NEXN: variants seen among roughly 807,000 people sequenced by gnomAD.
NEXN encodes nexilin.
NEXN carries 65 observed loss-of-function variants against 92.6 expected under a neutral mutation model. That is an observed-to-expected ratio of 0.70 (90% CI 0.57 to 0.86). The LOEUF (loss-of-function observed/expected upper bound fraction) is 0.86. Ranked by LOEUF, NEXN falls within the 40% of genes least tolerant of loss-of-function variation. The probability of loss-of-function intolerance (pLI) is 0.00; values close to 1 mark genes in which losing one functional copy is unlikely to be tolerated. For missense variants in NEXN, 778 were observed against 771.1 expected (o/e 1.01, Z -0.11); for synonymous variants, 254 against 242.5 (o/e 1.05, Z -0.44).
intron 1 of NEXN, among the ~76,000 whole-genome samples, chr1:77,915,351 CGGGCATGGTGGCT>C (rs1381908211): frequency 1.3e-5 from 2 of 152,022 alleles, no homozygotes; most frequent in Non-Finnish European, 2.9e-5. Context: ...AGCTGGTGGC[CGGGCATGGTGGCT>C]CATGCCTGTA....
chr1:77,941,347 T>G (rs998121539), intron 11 of NEXN, among the ~76,000 whole-genome samples: 1 of 152,114 alleles, frequency 6.6e-6, no homozygotes, highest in Admixed American at 6.5e-5. Context: ...CATTACCAAA[T>G]TATTATTTTC....
chr1:77,917,141 G>T (rs1649041756), intron 2 of NEXN, among the ~76,000 whole-genome samples: 1 of 152,114 alleles, frequency 6.6e-6, no homozygotes, highest in African/African-American at 2.4e-5. Flanking sequence ...CTAAACTTTT[G>T]CTTTGTTTTC....
chr1:77,911,865 A>G (rs1351499947), intron 1 of NEXN, among the ~76,000 whole-genome samples: 6 of 151,524 alleles, frequency 4.0e-5, no homozygotes, highest in Admixed American at 1.3e-4. Flanking sequence ...GGCGGATCAC[A>G]AGGCAGGAGT....
At chr1:77,903,308 T>TA (rs1647863651) in intron 1 of NEXN, among the ~76,000 whole-genome samples, 2 of 152,194 alleles carry the variant, frequency 1.3e-5, no homozygotes, top group African/African-American at 4.8e-5. Flanking sequence ...TTACCAATAA[T>TA]GTATACTTAA....
At chr1:77,901,763 A>C (rs1263613398) in intron 1 of NEXN, among the ~76,000 whole-genome samples, 2 of 152,156 alleles carry the variant, frequency 1.3e-5, no homozygotes, top group Non-Finnish European at 2.9e-5. Context: ...TTTCTTTAAC[A>C]TCACAGATCT....
In NEXN at chr1:77,918,145, G is replaced by C; in HGVS notation, c.319G>C (p.Ala107Pro). 1.9e-6 allele frequency: 3 copies of C among 1,613,872 alleles called. No individual in the cohort carries two copies. The highest frequency in any genetic ancestry group is 2.5e-6 in the Non-Finnish European group (3 of 1,179,950). Residue 107 changes from alanine (A) to proline (P), a missense_variant, in exon 5 of 13, where the codon GCT becomes CCT. Ala to Pro is a conservative substitution (Grantham distance 27, BLOSUM62 -1). This residue lies in a region of NEXN where 236 missense variants were observed against 265.6 expected (regional missense o/e 0.89). Coordinates refer to ENST00000334785, the MANE Select transcript of NEXN (RefSeq NM_144573.4). ...TTTAGGAACTGTGAAGGGTAGATTT[G>C]CTGAAATGGAGAAACAAAGACAAGA... is the stretch of plus-strand genomic sequence containing the variant. ...KLTGTVKGRF[A>P]EMEKQRQEEQ...
intron 1 of NEXN, among the ~76,000 whole-genome samples, chr1:77,900,090 C>T (rs1647576970): frequency 6.6e-6 from 1 of 152,122 alleles, no homozygotes. Flanking sequence ...TAATATGGTG[C>T]ACAGTATTCA....
At position 77,926,708 on chromosome 1, in the gene NEXN, T is replaced by C. The variant is rs1557982062; in HGVS notation, c.688-8T>C. ...ACTAAAAGGTGGGTTTTCATAACGTTTTCTTAGGATGATGAAATAGAAAGT... is the reference window on the plus strand; with the variant it reads ...ACTAAAAGGTGGGTTTTCATAACGTCTTCTTAGGATGATGAAATAGAAAGT... On this transcript the variant is annotated splice_region_variant and splice_polypyrimidine_tract_variant and intron_variant, in intron 7 of 12. Coordinates refer to ENST00000334785, the MANE Select transcript of NEXN (RefSeq NM_144573.4). 1 of 1,613,864 alleles carries C rather than the reference T, an allele frequency of 6.2e-7. No homozygotes were observed. Among genetic ancestry groups the C allele is most frequent in the Non-Finnish European group, 8.5e-7 (1 of 1,179,934 alleles).
At chr1:77,895,863 T>G (rs1451660766) in intron 1 of NEXN, among the ~76,000 whole-genome samples, 1 of 151,324 alleles carries the variant, frequency 6.6e-6, no homozygotes, top group Non-Finnish European at 1.5e-5. Context: ...AGACTCCATC[T>G]CAAAAAAGAA....
intron 1 of NEXN, among the ~76,000 whole-genome samples, chr1:77,911,661 G>T (rs916082874): frequency 2.0e-5 from 3 of 151,776 alleles, no homozygotes; most frequent in Non-Finnish European, 4.4e-5. Context: ...CTACCTTCAG[G>T]CTATATGTAT....
chr1:77,933,585 G>C, intron 10 of NEXN, 106 bp downstream of exon 10: 1 of 909,168 alleles, frequency 1.1e-6, no homozygotes, highest in Non-Finnish European at 1.7e-6. Flanking sequence ...TAGGATAGTT[G>C]ACATAGTATT....
intron 1 of NEXN, among the ~76,000 whole-genome samples, chr1:77,895,258 G>A (rs1647206702): frequency 1.3e-5 from 2 of 151,422 alleles, no homozygotes; most frequent in Admixed American, 1.3e-4. Flanking sequence ...TGTTAGCCAG[G>A]ATGGTCTCGA....
At chr1:77,914,968 T>C (rs1571107280) in intron 1 of NEXN, among the ~76,000 whole-genome samples, 1 of 151,866 alleles carries the variant, frequency 6.6e-6, no homozygotes, top group Non-Finnish European at 1.5e-5. Context: ...AAAACATAGA[T>C]AGAGTGAAAG....
At position 77,942,496 on chromosome 1, in the gene NEXN, C is replaced by G. The variant is rs1167613126; in HGVS notation, c.1695C>G (p.Ile565Met). Reference sequence around the variant, plus strand: ...AGGAGGAGGAGGAAGAAGGTAGCATCATGAATGGCTCCACTGCTGAAGATG... The same window carrying G: ...AGGAGGAGGAGGAAGAAGGTAGCATGATGAATGGCTCCACTGCTGAAGATG... ...REEEEEEEGS[I>M]MNGSTAEDEE... The change falls in exon 13 of 13, where the codon ATC (isoleucine) becomes ATG (methionine). Residue 565 changes from isoleucine to methionine, a missense_variant. By Grantham distance (10) the Ile-to-Met change is conservative. Transcript: ENST00000334785. 2 of 1,613,732 alleles carry G rather than the reference C, an allele frequency of 1.2e-6. No homozygotes were observed. Among genetic ancestry groups the G allele is most frequent in the African/African-American group, 2.7e-5 (2 of 74,894 alleles).
At position 77,926,868 on chromosome 1, in the gene NEXN, T is replaced by C; in HGVS notation, c.840T>C (p.Ala280=). The C allele has an allele frequency of 6.2e-7, 1 of 1,613,942 alleles. No homozygotes were observed. The highest frequency in any genetic ancestry group is 1.3e-5 in the African/African-American group (1 of 75,022). The part of the protein sequence containing the change: ...ARKRLEEEKR[A]FEEARRQMVN... ...AACGTTTAGAAGAAGAGAAGCGTGC[T>C]TTTGAAGAAGCAAGGCGGCAAATGG... is the stretch of plus-strand genomic sequence containing the variant. Residue 280 remains alanine, a synonymous_variant, in exon 8 of 13, where the codon GCT becomes GCC. Coordinates refer to ENST00000334785, the MANE Select transcript of NEXN (RefSeq NM_144573.4).
In NEXN at chr1:77,923,084, C is replaced by T. The variant is rs919344835; in HGVS notation, c.448-2104C>T. 1.4e-5 allele frequency among the ~76,000 whole-genome samples: 2 copies of T among 147,874 alleles called. 1 individual carries two copies. The highest frequency in any genetic ancestry group is 5.0e-5 in the African/African-American group (2 of 39,938). ...TCATGGCTCACTGCAACCTCCACCT[C>T]CCAGGCTCAAGTGATCCTCCCACCT... On this transcript the variant is annotated intron_variant, in intron 5 of 12. Transcript: ENST00000334785.
chr1:77,917,501 ATCTTT>A, intron 2 of NEXN, 60 bp from the exon 3 acceptor site: 1 of 1,164,826 alleles, frequency 8.6e-7, no homozygotes, highest in South Asian at 1.3e-5. Flanking sequence ...ATTCTTATCT[ATCTTT>A]ACCTAATTTC....
chr1:77,915,524 G>T (rs1648901599), intron 1 of NEXN, among the ~76,000 whole-genome samples: 1 of 152,182 alleles, frequency 6.6e-6, no homozygotes, highest in Non-Finnish European at 1.5e-5. Flanking sequence ...AGCTACTCGG[G>T]AGGCTGAAGT....
intron 1 of NEXN, among the ~76,000 whole-genome samples, chr1:77,907,852 C>A (rs1429412542): frequency 6.6e-6 from 1 of 152,088 alleles, no homozygotes; most frequent in East Asian, 1.9e-4. Context: ...CAAAAAAAGC[C>A]TTTTGAAGTC....
Sources: gnomAD v4.1 joint callset for allele counts (sites outside exome capture counted in the v4.1 genomes callset) on GRCh38, gnomAD v4.1.1 for gene constraint, gnomAD v4.1.1 regional missense constraint, MANE v1.5 for transcripts, NCBI Gene and HGNC (gene_info 2026-07-23, HGNC 2026-07-21) for gene names.